The following CDH13 variants were observed in gnomAD, a reference collection of about 807,000 sequenced individuals.
The protein encoded by CDH13 is cadherin 13, also known as cadherin-13.
Under a neutral mutation model 63.8 loss-of-function variants are expected in CDH13, and 24 were observed. That is an observed-to-expected ratio of 0.38 (90% CI 0.27 to 0.53). CDH13 has a LOEUF of 0.53. Among genes scored for constraint, CDH13 ranks in the 20% least tolerant of loss-of-function variants. The pLI is 0.85. For missense variants in CDH13, 1,049 were observed against 903.1 expected (o/e 1.16, Z -2.07); for synonymous variants, 503 against 355.3 (o/e 1.42, Z -4.67).
chr16:83,209,475 A>G (rs1208077530), intron 4 of CDH13, among the ~76,000 whole-genome samples: 2 of 152,242 alleles, frequency 1.3e-5, no homozygotes, highest in African/African-American at 4.8e-5. Context: ...AAAAAGAGAA[A>G]TAAAGGTCTG....
chr16:83,149,007 A>G (rs1276310839), intron 4 of CDH13, among the ~76,000 whole-genome samples: 1 of 152,246 alleles, frequency 6.6e-6, no homozygotes, highest in African/African-American at 2.4e-5. Flanking sequence ...TAATTCAATT[A>G]TAAATAACAA....
At chr16:82,945,780 T>C (rs924806030) in intron 2 of CDH13, among the ~76,000 whole-genome samples, 8 of 152,174 alleles carry the variant, frequency 5.3e-5, no homozygotes, top group African/African-American at 1.9e-4. Context: ...AAAAGTATTA[T>C]TATCCTAAAA....
At chr16:82,690,491 G>A (rs1915539659) in intron 1 of CDH13, among the ~76,000 whole-genome samples, 1 of 152,102 alleles carries the variant, frequency 6.6e-6, no homozygotes, top group Admixed American at 6.6e-5. Context: ...AGAAGAGGAA[G>A]CACACAAGTT....
chr16:83,331,964 A>C (rs2090490821), intron 5 of CDH13, among the ~76,000 whole-genome samples: 1 of 152,164 alleles, frequency 6.6e-6, no homozygotes. Flanking sequence ...ATCAGGCTAA[A>C]TTTCTACAAG....
At chr16:83,777,493 T>A (rs1472704324) in intron 11 of CDH13, among the ~76,000 whole-genome samples, 1 of 152,226 alleles carries the variant, frequency 6.6e-6, no homozygotes, top group African/African-American at 2.4e-5. Flanking sequence ...GTGCGGGGGC[T>A]TTCTGCCTGC....
intron 1 of CDH13, among the ~76,000 whole-genome samples, chr16:82,819,160 C>G (rs956497788): frequency 6.6e-6 from 1 of 152,074 alleles, no homozygotes. Context: ...GTTTTTATTG[C>G]CACAAAGTAA....
chr16:83,678,960 C>A (rs995680918), intron 10 of CDH13, among the ~76,000 whole-genome samples: 5 of 152,196 alleles, frequency 3.3e-5, no homozygotes, highest in Non-Finnish European at 7.3e-5. Context: ...GGACACTCTG[C>A]AAAGTTCATG....
Position 83,080,879 on chromosome 16 carries a change from T to TTTTTTTG in CDH13, c.367-44500_367-44499insGTTTTTT, listed in dbSNP as rs1555579062. Among the ~76,000 whole-genome samples the TTTTTTTG allele has an allele frequency of 7.1e-4, 78 of 110,598 alleles. 5 individuals carry two copies. Among genetic ancestry groups the TTTTTTTG allele is most frequent in the African/African-American group, 2.8e-3 (74 of 26,704 alleles). 72.6% of individuals were successfully genotyped at this position (110,598 alleles called of 152,430 possible). On this transcript the variant is annotated intron_variant, in intron 3 of 13. Transcript: ENST00000567109. ...TTTTGTTTTGTTTTTGTGTTTTTTT[T>TTTTTTTG]TTTTTTTTTTTTTTTTTTTGAGACA... is the stretch of plus-strand genomic sequence containing the variant.
intron 5 of CDH13, among the ~76,000 whole-genome samples, chr16:83,310,376 A>C (rs2089973033): frequency 6.6e-6 from 1 of 152,214 alleles, no homozygotes; most frequent in Non-Finnish European, 1.5e-5. Context: ...GGAAATAGTA[A>C]AGATCTGAAA....
At chr16:83,466,675 G>A (rs1190603920) in intron 6 of CDH13, among the ~76,000 whole-genome samples, 2 of 152,164 alleles carry the variant, frequency 1.3e-5, no homozygotes, top group African/African-American at 4.8e-5. Flanking sequence ...CATAGACAAG[G>A]AACAAATCTC....
At chr16:82,895,114 T>A (rs2041208681) in intron 2 of CDH13, among the ~76,000 whole-genome samples, 1 of 152,252 alleles carries the variant, frequency 6.6e-6, no homozygotes, top group Admixed American at 6.5e-5. Context: ...TTAGCGTATT[T>A]GCAGTGCTTT....
chr16:83,480,631 C>T (rs73603832), intron 6 of CDH13, among the ~76,000 whole-genome samples: 5 of 152,222 alleles, frequency 3.3e-5, no homozygotes, highest in South Asian at 2.1e-4. Context: ...CTGCTCATGA[C>T]GAAGAGACGT....
At chr16:82,837,297 G>C (rs574233436) in intron 1 of CDH13, among the ~76,000 whole-genome samples, 1 of 152,218 alleles carries the variant, frequency 6.6e-6, no homozygotes, top group African/African-American at 2.4e-5. Context: ...TACCTCAGAG[G>C]CTTGTGGTGA....
At chr16:83,686,641 G>T (rs895185906) in intron 10 of CDH13, among the ~76,000 whole-genome samples, 1 of 152,134 alleles carries the variant, frequency 6.6e-6, no homozygotes, top group African/African-American at 2.4e-5. Flanking sequence ...TATTTCTTAT[G>T]GCACAGTAAT....
chr16:82,826,384 G>A (rs759621648), intron 1 of CDH13: 1 of 152,118 alleles, frequency 6.6e-6, no homozygotes, highest in South Asian at 2.1e-4. Flanking sequence ...TGCATGAAAT[G>A]GTTGTGTGTT....
At chr16:83,572,227 C>T (rs1423658104) in intron 7 of CDH13, among the ~76,000 whole-genome samples, 1 of 135,882 alleles carries the variant, frequency 7.4e-6, no homozygotes. Context: ...ACTATTGTTG[C>T]CCAGGTTGGA....
chr16:82,835,758 C>T (rs1012136505), intron 1 of CDH13, among the ~76,000 whole-genome samples: 3 of 152,216 alleles, frequency 2.0e-5, no homozygotes, highest in Non-Finnish European at 4.4e-5. Context: ...GCCAGAAGTG[C>T]CCTGCTGTGA....
intron 4 of CDH13, among the ~76,000 whole-genome samples, chr16:83,189,135 A>G (rs991817925): frequency 5.9e-5 from 9 of 151,960 alleles, no homozygotes; most frequent in Non-Finnish European, 1.3e-4. Flanking sequence ...TTTGTGATAG[A>G]TAAGGCAAAA....
chr16:82,774,318 G>A (rs1242820201), intron 1 of CDH13, among the ~76,000 whole-genome samples: 1 of 60,794 alleles, frequency 1.6e-5, no homozygotes, highest in Non-Finnish European at 4.2e-5. Flanking sequence ...TATGACTTCA[G>A]TTCATTTTTT....
Sources: allele counts gnomAD v4.1 joint callset (sites outside exome capture counted in the v4.1 genomes callset), GRCh38; gene constraint gnomAD v4.1.1; transcripts MANE v1.5; gene names NCBI Gene and HGNC (gene_info 2026-07-23, HGNC 2026-07-21).